Variants in NME7 observed in about 807,000 individuals in gnomAD.
NME7 encodes NME/NM23 family member 7, also known as nucleoside diphosphate kinase 7.
Under a neutral mutation model 49.1 loss-of-function variants are expected in NME7, and 41 were observed. That is an observed-to-expected ratio of 0.83 (90% CI 0.65 to 1.08). The LOEUF (loss-of-function observed/expected upper bound fraction) is 1.08. Among genes scored for constraint, NME7 ranks in the 50% least tolerant of loss-of-function variants. The probability of loss-of-function intolerance (pLI) is 0.00; values close to 1 mark genes in which losing one functional copy is unlikely to be tolerated. For missense variants in NME7, 423 were observed against 463.4 expected (o/e 0.91, Z 0.80); for synonymous variants, 139 against 150.6 (o/e 0.92, Z 0.56).
At position 169,154,654 on chromosome 1, in the gene NME7, T is replaced by C. The variant is rs1236334512; in HGVS notation, c.1098+14793A>G. Among the ~76,000 whole-genome samples the C allele has an allele frequency of 2.6e-5, 4 of 151,852 alleles. No individual in the cohort carries two copies. In the South Asian group the frequency reaches 6.2e-4, roughly 24 times the overall value. On this transcript the variant is annotated intron_variant, in intron 11 of 11. Coordinates refer to ENST00000367811, the MANE Select transcript of NME7 (RefSeq NM_013330.5). Reference sequence around the variant, plus strand: ...CTCTACTAAAAACATGAAAATTAGATGGGCATGGTGGCGTGCACCTGCAGT... The same window carrying C: ...CTCTACTAAAAACATGAAAATTAGACGGGCATGGTGGCGTGCACCTGCAGT...
At chr1:169,235,297 T>C (rs1224524041) in intron 8 of NME7, 98 bp from the exon 9 acceptor site, 2 of 558,496 alleles carry the variant, frequency 3.6e-6, no homozygotes, top group East Asian at 6.4e-5. Flanking sequence ...ATCTCTTCTT[T>C]ACTCTAAAAC....
Position 169,181,626 on chromosome 1 carries a change from T to C in NME7, c.991-12072A>G, listed in dbSNP as rs562238487. ...CATGTCTCTCCCATCACTTAACAAA[T>C]AGACAATTTTAATTACTGTCCTACC... On this transcript the variant is annotated intron_variant, in intron 10 of 11. Transcript: ENST00000367811. 5.9e-5 allele frequency among the ~76,000 whole-genome samples: 9 copies of C among 152,290 alleles called. No homozygotes were observed. In the East Asian group the frequency reaches 1.5e-3, roughly 26 times the overall value.
intron 10 of NME7, among the ~76,000 whole-genome samples, chr1:169,201,170 G>A (rs1197320656): frequency 1.3e-5 from 2 of 152,082 alleles, no homozygotes; most frequent in Non-Finnish European, 2.9e-5. Flanking sequence ...GGTAGAGGCT[G>A]TAGCAAGCTA....
At chr1:169,342,971 A>G (rs1302050142) in intron 1 of NME7, among the ~76,000 whole-genome samples, 2 of 100,030 alleles carry the variant, frequency 2.0e-5, no homozygotes. Flanking sequence ...ATATATATAT[A>G]CAAGTACATA....
intron 10 of NME7, among the ~76,000 whole-genome samples, chr1:169,208,302 C>T (rs1660725880): frequency 6.6e-6 from 1 of 152,090 alleles, no homozygotes; most frequent in South Asian, 2.1e-4. Context: ...ATTGCTAGTA[C>T]TAAGAACTAT....
At chr1:169,331,418 G>C (rs547261690) in intron 1 of NME7, among the ~76,000 whole-genome samples, 1 of 152,128 alleles carries the variant, frequency 6.6e-6, no homozygotes, top group East Asian at 1.9e-4. Context: ...GAAACATGAC[G>C]AGGGTGCCCA....
chr1:169,188,877 G>T (rs998969221), intron 10 of NME7, among the ~76,000 whole-genome samples: 1 of 152,162 alleles, frequency 6.6e-6, no homozygotes, highest in Non-Finnish European at 1.5e-5. Context: ...ATCACATAGT[G>T]TCTTCATTTG....
intron 5 of NME7, chr1:169,302,178 A>C (rs1023350149): frequency 1.3e-5 from 2 of 152,200 alleles, no homozygotes; most frequent in African/African-American, 4.8e-5. Flanking sequence ...TACCTCAACC[A>C]CTGTAGAAAA....
chr1:169,176,586 G>A (rs1659757757), intron 10 of NME7, among the ~76,000 whole-genome samples: 1 of 152,018 alleles, frequency 6.6e-6, no homozygotes, highest in Admixed American at 6.6e-5. Context: ...TTTTTCATTA[G>A]GTTTCAATAG....
At chr1:169,227,130 G>A (rs190072794) in intron 10 of NME7, among the ~76,000 whole-genome samples, 10 of 152,118 alleles carry the variant, frequency 6.6e-5, no homozygotes, top group African/African-American at 9.6e-5. Context: ...AAAAAAAATG[G>A]GAATCAGCAT....
chr1:169,339,635 G>T (rs1421330840), intron 1 of NME7, among the ~76,000 whole-genome samples: 1 of 152,130 alleles, frequency 6.6e-6, no homozygotes, highest in African/African-American at 2.4e-5. Flanking sequence ...CATAGCTATT[G>T]TACTACTTGG....
At chr1:169,173,148 T>C (rs1659652411) in intron 10 of NME7, among the ~76,000 whole-genome samples, 1 of 152,192 alleles carries the variant, frequency 6.6e-6, no homozygotes, top group Non-Finnish European at 1.5e-5. Flanking sequence ...CCACATTATT[T>C]AACCTCTCTA....
chr1:169,269,986 A>G (rs1649440465), intron 7 of NME7, among the ~76,000 whole-genome samples: 1 of 132,662 alleles, frequency 7.5e-6, no homozygotes, highest in South Asian at 2.3e-4. Flanking sequence ...GGCCTGGCTG[A>G]TTTCAAACCC....
chr1:169,295,772 C>T (rs939495749), intron 6 of NME7, among the ~76,000 whole-genome samples: 21 of 152,116 alleles, frequency 1.4e-4, no homozygotes, highest in Non-Finnish European at 7.3e-5. Flanking sequence ...CACCACATTT[C>T]CCTGATCTAT....
intron 11 of NME7, among the ~76,000 whole-genome samples, chr1:169,136,634 T>C (rs778202841): frequency 1.3e-5 from 2 of 152,240 alleles, no homozygotes; most frequent in African/African-American, 2.4e-5. Context: ...CTCCTTCTTC[T>C]GCCATTCATG....
chr1:169,331,859 G>C (rs12036426), intron 1 of NME7, among the ~76,000 whole-genome samples: 12,569 of 150,744 alleles, frequency 0.083, 708 homozygotes, highest in Admixed American at 0.19. Context: ...GGAATTGGAA[G>C]AATTAACATT....
At chr1:169,302,342 A>T (rs1650980393) in intron 5 of NME7, 1 of 152,190 alleles carries the variant, frequency 6.6e-6, no homozygotes, top group Admixed American at 6.6e-5. Context: ...TAGCAAAGAC[A>T]TGGAATCAAC....
rs370781334 is a variant in NME7 at position 169,282,428 on chromosome 1, T to A, written c.754+4875A>T. 5.3e-5 allele frequency among the ~76,000 whole-genome samples: 8 copies of A among 152,174 alleles called. No individual in the cohort carries two copies. The East Asian group carries it at 7.7e-4, about 15-fold the overall frequency. On this transcript the variant is annotated intron_variant, in intron 7 of 11. Coordinates refer to ENST00000367811, the MANE Select transcript of NME7 (RefSeq NM_013330.5). The stretch of plus-strand genomic sequence containing the variant: ...ACGGATTCATTGATTTTTTGAAGGG[T>A]TTTTTGTGTCTCTATCTCCTTCAGT...
intron 7 of NME7, among the ~76,000 whole-genome samples, chr1:169,267,580 C>A (rs1377564059): frequency 7.5e-6 from 1 of 132,832 alleles, no homozygotes; most frequent in Non-Finnish European, 1.8e-5. Flanking sequence ...ACACACAGAC[C>A]AATGGAGCAG....
Sources: gnomAD v4.1 joint callset for allele counts (sites outside exome capture counted in the v4.1 genomes callset) on GRCh38, gnomAD v4.1.1 for gene constraint, MANE v1.5 for transcripts, NCBI Gene and HGNC (gene_info 2026-07-23, HGNC 2026-07-21) for gene names.